The following TNFSF4 variants were observed in gnomAD, a reference collection of about 807,000 sequenced individuals.
The protein encoded by TNFSF4 is tumor necrosis factor ligand superfamily member 4.
In TNFSF4, 4 loss-of-function variants were observed where a neutral mutation model predicts 7.3. That is an observed-to-expected ratio of 0.55 (90% CI 0.27 to 1.25). The LOEUF (loss-of-function observed/expected upper bound fraction) is 1.25. Among genes scored for constraint, TNFSF4 ranks in the 50% most tolerant of loss-of-function variants. The pLI, the probability that TNFSF4 is intolerant of heterozygous loss-of-function variation, is 0.12. For missense variants in TNFSF4, 181 were observed against 208.8 expected (o/e 0.87, Z 0.82); for synonymous variants, 76 against 83.7 (o/e 0.91, Z 0.50).
chr1:173,176,877 A>T, the TNFSF4 span, among the ~76,000 whole-genome samples: 1 of 152,254 alleles, frequency 6.6e-6, no homozygotes, highest in Non-Finnish European at 1.5e-5. Flanking sequence ...AGGAAAAGAA[A>T]GCCAAATACC....
At chr1:173,284,875 A>C in the TNFSF4 span, among the ~76,000 whole-genome samples, 1 of 152,208 alleles carries the variant, frequency 6.6e-6, no homozygotes, top group Non-Finnish European at 1.5e-5. Context: ...TGATGGAGAT[A>C]AACAAGAAGA....
At chr1:173,289,128 C>T in the TNFSF4 span, among the ~76,000 whole-genome samples, 367 of 152,094 alleles carry the variant, frequency 2.4e-3, 3 homozygotes, top group African/African-American at 8.4e-3. Context: ...TTTTTCAAGT[C>T]AGTGTTGGAG....
the TNFSF4 span, among the ~76,000 whole-genome samples, chr1:173,325,129 G>A: frequency 1.3e-5 from 2 of 152,148 alleles, no homozygotes; most frequent in East Asian, 1.9e-4. Flanking sequence ...GCTCTCCTCA[G>A]CAAATGTAAA....
chr1:173,381,803 A>T, the TNFSF4 span, among the ~76,000 whole-genome samples: 2 of 152,104 alleles, frequency 1.3e-5, no homozygotes, highest in Non-Finnish European at 2.9e-5. Flanking sequence ...GACTTGAAGA[A>T]CTTTTCTGTC....
the TNFSF4 span, among the ~76,000 whole-genome samples, chr1:173,342,943 C>T: frequency 6.6e-6 from 1 of 152,142 alleles, no homozygotes; most frequent in East Asian, 1.9e-4. Flanking sequence ...GCTTCTTTCC[C>T]CTTAGTAGAG....
At chr1:173,307,104 C>G in the TNFSF4 span, among the ~76,000 whole-genome samples, 1 of 151,832 alleles carries the variant, frequency 6.6e-6, no homozygotes, top group East Asian at 1.9e-4. Flanking sequence ...AATATATTCA[C>G]ACATAAAATA....
the TNFSF4 span, among the ~76,000 whole-genome samples, chr1:173,319,910 A>G: frequency 1.3e-5 from 2 of 152,336 alleles, no homozygotes; most frequent in East Asian, 3.9e-4. Flanking sequence ...AACCAGCATG[A>G]AAACGCTAAA....
At chr1:173,253,381 A>G in the TNFSF4 span, among the ~76,000 whole-genome samples, 2 of 152,236 alleles carry the variant, frequency 1.3e-5, no homozygotes, top group Non-Finnish European at 2.9e-5. Context: ...AACAGGATCC[A>G]TAGTAGACCA....
the TNFSF4 span, among the ~76,000 whole-genome samples, chr1:173,370,631 A>G: frequency 6.6e-6 from 1 of 152,202 alleles, no homozygotes; most frequent in Non-Finnish European, 1.5e-5. Flanking sequence ...AGATAAGTTT[A>G]TTACCCAATC....
chr1:173,284,749 T>C, the TNFSF4 span, among the ~76,000 whole-genome samples: 2 of 152,172 alleles, frequency 1.3e-5, no homozygotes, highest in Non-Finnish European at 2.9e-5. Context: ...GCACATCCAT[T>C]TGAAGCATGG....
At chr1:173,299,251 C>A in the TNFSF4 span, among the ~76,000 whole-genome samples, 1 of 151,894 alleles carries the variant, frequency 6.6e-6, no homozygotes, top group Non-Finnish European at 1.5e-5. Context: ...CAGCTGACAG[C>A]TCTCAACTGC....
At chr1:173,342,357 G>A in the TNFSF4 span, among the ~76,000 whole-genome samples, 1 of 152,126 alleles carries the variant, frequency 6.6e-6, no homozygotes, top group Non-Finnish European at 1.5e-5. Flanking sequence ...CCCAGTGGAT[G>A]TTCCCAGGTG....
At chr1:173,307,742 C>G in the TNFSF4 span, among the ~76,000 whole-genome samples, 1 of 151,334 alleles carries the variant, frequency 6.6e-6, no homozygotes, top group East Asian at 1.9e-4. Flanking sequence ...TAGGTACATA[C>G]ACACACACAC....
chr1:173,225,246 G>T, the TNFSF4 span, among the ~76,000 whole-genome samples: 2 of 152,096 alleles, frequency 1.3e-5, no homozygotes, highest in African/African-American at 4.8e-5. Flanking sequence ...CAGGAGAAAG[G>T]GAAGTCACAC....
chr1:173,224,763 G>T, the TNFSF4 span, among the ~76,000 whole-genome samples: 3 of 152,088 alleles, frequency 2.0e-5, no homozygotes, highest in African/African-American at 7.2e-5. Context: ...ATTAAACTGG[G>T]GGCATGGGAG....
chr1:173,412,334 C>T, the TNFSF4 span, among the ~76,000 whole-genome samples: 1 of 152,162 alleles, frequency 6.6e-6, no homozygotes, highest in Non-Finnish European at 1.5e-5. Flanking sequence ...GCCTCACTGC[C>T]TCACAATCTC....
At chr1:173,356,620 A>G in the TNFSF4 span, among the ~76,000 whole-genome samples, 1 of 152,156 alleles carries the variant, frequency 6.6e-6, no homozygotes, top group Non-Finnish European at 1.5e-5. Context: ...GTGAGTTCAC[A>G]TCCTGTCCAT....
chr1:173,366,837 G>C, the TNFSF4 span, among the ~76,000 whole-genome samples: 8 of 151,970 alleles, frequency 5.3e-5, no homozygotes, highest in African/African-American at 1.9e-4. Flanking sequence ...GCATAAATTT[G>C]ATTGGACACA....
chr1:173,174,605 T>C, the TNFSF4 span: 3 of 152,196 alleles, frequency 2.0e-5, no homozygotes, highest in African/African-American at 7.2e-5. Context: ...AAGTGCAGAA[T>C]GAAGGGGGAA....
Sources: allele counts gnomAD v4.1 joint callset (sites outside exome capture counted in the v4.1 genomes callset), GRCh38; gene constraint gnomAD v4.1.1; transcripts MANE v1.5; gene names NCBI Gene and HGNC (gene_info 2026-07-23, HGNC 2026-07-21).